Variants in CPEB3 observed in about 807,000 individuals in gnomAD.
CPEB3 encodes the protein cytoplasmic polyadenylation element-binding protein 3.
In CPEB3, 20 loss-of-function variants were observed where a neutral mutation model predicts 67.2. That is an observed-to-expected ratio of 0.30 (90% CI 0.21 to 0.43). The LOEUF (loss-of-function observed/expected upper bound fraction) is 0.43, where lower values mean the gene tolerates loss of function less well. Among genes scored for constraint, CPEB3 ranks in the 20% least tolerant of loss-of-function variants. The probability of loss-of-function intolerance (pLI) is 1.00; values close to 1 mark genes in which losing one functional copy is unlikely to be tolerated. For synonymous variants in CPEB3, 376 were observed against 393.1 expected (o/e 0.96, Z 0.51); for missense variants, 746 against 968.6 (o/e 0.77, Z 3.05).
intron 2 of CPEB3, among the ~76,000 whole-genome samples, chr10:92,223,424 C>G (rs907827446): frequency 2.0e-5 from 3 of 152,080 alleles, no homozygotes; most frequent in African/African-American, 7.2e-5. Flanking sequence ...TCTAATCTGC[C>G]ACTATTAACC....
intron 9 of CPEB3, among the ~76,000 whole-genome samples, chr10:92,057,337 G>A (rs1052631514): frequency 3.3e-5 from 5 of 152,190 alleles, no homozygotes; most frequent in African/African-American, 9.7e-5. Flanking sequence ...TTGGGGTGGC[G>A]GTGGCTGAAA....
At chr10:92,188,826 G>A (rs543541875) in intron 3 of CPEB3, among the ~76,000 whole-genome samples, 71 of 152,210 alleles carry the variant, frequency 4.7e-4, no homozygotes, top group Non-Finnish European at 4.7e-4. Flanking sequence ...GTGCTGTGAA[G>A]AAAGTTCAAT....
Position 92,099,906 on chromosome 10 carries a change from A to G in CPEB3, c.1573-7962T>C, listed in dbSNP as rs528987366. ...GCCAGGCATGGTGGCTCATGCCTAT[A>G]TAATCTCAGCATTTTGGAAGGCCAA... On this transcript the variant is annotated intron_variant, in intron 7 of 9. Transcript: ENST00000265997. 8.8e-4 allele frequency among the ~76,000 whole-genome samples: 133 copies of G among 151,768 alleles called. No individual in the cohort carries two copies. The Middle Eastern group carries it at 0.034, about 39-fold the overall frequency.
chr10:92,270,562 T>G (rs1174010750), intron 1 of CPEB3, among the ~76,000 whole-genome samples: 1 of 145,804 alleles, frequency 6.9e-6, no homozygotes, highest in East Asian at 2.0e-4. Flanking sequence ...TATATTACTT[T>G]TTTTTTTTTT....
chr10:92,061,140 C>T (rs949268711), intron 9 of CPEB3, among the ~76,000 whole-genome samples: 1 of 152,074 alleles, frequency 6.6e-6, no homozygotes. Flanking sequence ...ATGAATGGGC[C>T]GAGTACGATG....
chr10:92,168,529 TCCCCATGTGCCATAGGAGAAA>T (rs1380381141), intron 4 of CPEB3, among the ~76,000 whole-genome samples: 3 of 152,058 alleles, frequency 2.0e-5, no homozygotes, highest in African/African-American at 7.2e-5. Flanking sequence ...GTTCCCATAA[TCCCCATGTGCCATAGGAGAAA>T]CCCGGTGGGA....
chr10:92,187,241 A>G (rs936562297), intron 3 of CPEB3, among the ~76,000 whole-genome samples: 16 of 152,216 alleles, frequency 1.1e-4, no homozygotes, highest in African/African-American at 3.6e-4. Flanking sequence ...TTAAAGCACT[A>G]TTACTGAAAG....
intron 6 of CPEB3, among the ~76,000 whole-genome samples, chr10:92,117,641 C>A (rs1290581552): frequency 6.6e-6 from 1 of 151,892 alleles, no homozygotes; most frequent in Non-Finnish European, 1.5e-5. Context: ...TGATTTTTTT[C>A]TTTTAATACC....
rs1841894879 is a variant in CPEB3 at position 92,051,544 on chromosome 10, T to G, written c.*668A>C. On this transcript the variant is annotated 3_prime_UTR_variant, in exon 10 of 10. Transcript: ENST00000265997. The stretch of plus-strand genomic sequence containing the variant: ...CAGCAAAAGCTATTGCAGCATAAAT[T>G]TACATAATACTAAAAGATCTAACCA... 1 of 152,464 alleles carries G rather than the reference T, an allele frequency of 6.6e-6. No individual in the cohort carries two copies. The highest frequency in any genetic ancestry group is 1.5e-5 in the Non-Finnish European group (1 of 68,010). The allele number at this position is 152,464 out of a possible 1,614,324, so 9.4% of individuals were successfully genotyped here. A position where few individuals can be genotyped will look rare whatever the true frequency, so the allele number is the denominator to read the frequency against.
chr10:92,139,664 T>C (rs1846299846), intron 6 of CPEB3, among the ~76,000 whole-genome samples: 1 of 152,216 alleles, frequency 6.6e-6, no homozygotes, highest in African/African-American at 2.4e-5. Context: ...ATCTACTGTA[T>C]ATTTTTAAAT....
At chr10:92,249,881 G>C (rs1590530612) in intron 1 of CPEB3, among the ~76,000 whole-genome samples, 1 of 150,364 alleles carries the variant, frequency 6.7e-6, no homozygotes, top group East Asian at 2.0e-4. Context: ...AAATAGCTGG[G>C]CGTGGTGGCA....
At chr10:92,179,679 C>A (rs1848379443) in intron 4 of CPEB3, among the ~76,000 whole-genome samples, 1 of 152,184 alleles carries the variant, frequency 6.6e-6, no homozygotes, top group African/African-American at 2.4e-5. Flanking sequence ...CTAAGACCAT[C>A]TCCCTAACCC....
chr10:92,239,777 A>AGCG lies in CPEB3; in HGVS notation c.571_573dup (p.Arg191dup), dbSNP rs1441100708. 3.5e-6 allele frequency: 5 copies of AGCG among 1,422,166 alleles called. No individual in the cohort carries two copies. The African/African-American group carries it at 7.6e-5, about 22-fold the overall frequency. 88.1% of individuals were successfully genotyped at this position (1,422,166 alleles called of 1,614,324 possible). A position where few individuals can be genotyped will look rare whatever the true frequency, so the allele number is the denominator to read the frequency against. On this transcript the variant is annotated inframe_insertion, in exon 2 of 10. Transcript: ENST00000265997. The surrounding 1 kb of genome is among the most constrained non-coding windows in gnomAD (Gnocchi z 6.0). ...GGCGCCTGGCTGGGGCTGGCGGGTG[A>AGCG]GCGGCGCTGCTGCGGGGGCTGCGCC...
In CPEB3 at chr10:92,168,371, ATAT is replaced by A. The variant is rs1234197185; in HGVS notation, c.1222+12589_1222+12591del. Among the ~76,000 whole-genome samples, 4 of 152,196 alleles carry A rather than the reference ATAT, an allele frequency of 2.6e-5. No homozygotes were observed. The East Asian group carries it at 7.7e-4, about 29-fold the overall frequency. ...GTTCTGCTAGAATACCTTAATAAAG[ATAT>A]TATGAGATAAAAAGTATGAGATAAA... On this transcript the variant is annotated intron_variant, in intron 4 of 9. Coordinates refer to ENST00000265997, the MANE Select transcript of CPEB3 (RefSeq NM_014912.5).
chr10:92,102,939 G>T (rs1844263119), intron 7 of CPEB3, among the ~76,000 whole-genome samples: 1 of 152,166 alleles, frequency 6.6e-6, no homozygotes, highest in African/African-American at 2.4e-5. Context: ...ATCCTCTAAG[G>T]CTGAAACCAT....
intron 7 of CPEB3, among the ~76,000 whole-genome samples, chr10:92,093,317 A>T (rs1843700849): frequency 1.3e-5 from 2 of 152,166 alleles, no homozygotes; most frequent in Non-Finnish European, 2.9e-5. Context: ...GTATTAATGG[A>T]ATTGTTCATT....
chr10:92,073,672 ACCTGGCCTCAAGCTGAACT>A (rs1311065416), intron 9 of CPEB3, among the ~76,000 whole-genome samples: 5 of 150,938 alleles, frequency 3.3e-5, no homozygotes, highest in Non-Finnish European at 7.4e-5. Flanking sequence ...GGTCTTGAAC[ACCTGGCCTCAAGCTGAACT>A]CCTGGCCTCA....
chr10:92,287,328 A>C (rs1842578650), intron 1 of CPEB3, among the ~76,000 whole-genome samples: 1 of 152,156 alleles, frequency 6.6e-6, no homozygotes, highest in South Asian at 2.1e-4. Context: ...AGTGCATTTC[A>C]ATGTGGTTTT....
intron 6 of CPEB3, among the ~76,000 whole-genome samples, chr10:92,142,749 T>C (rs951450185): frequency 2.0e-5 from 3 of 152,200 alleles, no homozygotes; most frequent in Non-Finnish European, 4.4e-5. Flanking sequence ...ACCCTAGATC[T>C]TTCCTTTCAA....
Sources: allele counts gnomAD v4.1 joint callset (sites outside exome capture counted in the v4.1 genomes callset), GRCh38; gene constraint gnomAD v4.1.1; non-coding constraint Gnocchi (gnomAD v3.1); transcripts MANE v1.5; gene names NCBI Gene and HGNC (gene_info 2026-07-23, HGNC 2026-07-21).